CNGA1: variants seen among roughly 807,000 people sequenced by gnomAD.
The protein encoded by CNGA1 is cyclic nucleotide-gated channel alpha-1.
CNGA1 carries 53 observed loss-of-function variants against 69.7 expected under a neutral mutation model. The ratio of observed to expected loss-of-function variants is 0.76; its 90% CI spans 0.61 to 0.96. CNGA1 has a LOEUF of 0.96. Ranked by LOEUF, CNGA1 falls within the 40% of genes least tolerant of loss-of-function variation. The probability of loss-of-function intolerance (pLI) is 0.00; values close to 1 mark genes in which losing one functional copy is unlikely to be tolerated. For synonymous variants in CNGA1, 249 were observed against 283.5 expected, an observed-to-expected ratio of 0.88 and a Z score of 1.22; for missense variants, 739 against 811.2, an observed-to-expected ratio of 0.91 and a Z score of 1.08.
At chr4:47,999,443 C>T (rs1270612744) in intron 2 of CNGA1, among the ~76,000 whole-genome samples, 1 of 152,086 alleles carries the variant, frequency 6.6e-6, no homozygotes, top group African/African-American at 2.4e-5. Context: ...CAATAAAATC[C>T]AAACACTTCA....
chr4:48,012,817 T>C (rs1240719544), intron 1 of CNGA1: 1 of 151,974 alleles, frequency 6.6e-6, no homozygotes, highest in Non-Finnish European at 1.5e-5. Context: ...GCTCTAATGG[T>C]AAGGAGAAAT....
At chr4:47,971,680 G>A (rs1056856640) in intron 3 of CNGA1, among the ~76,000 whole-genome samples, 18 of 152,128 alleles carry the variant, frequency 1.2e-4, no homozygotes, top group Non-Finnish European at 4.4e-5. Flanking sequence ...GATCATTTGA[G>A]GTAAGGAGTT....
intron 2 of CNGA1, among the ~76,000 whole-genome samples, chr4:47,997,143 G>A (rs951729350): frequency 3.2e-4 from 48 of 152,270 alleles, no homozygotes; most frequent in Middle Eastern, 3.4e-3. Flanking sequence ...GACTTTTGCA[G>A]AGTCCATAGT....
chr4:47,950,701 G>A (rs1739688229), intron 5 of CNGA1, among the ~76,000 whole-genome samples: 1 of 152,124 alleles, frequency 6.6e-6, no homozygotes, highest in Admixed American at 6.6e-5. Context: ...ATGTAAAACA[G>A]GTGGAAACCC....
chr4:48,005,125 T>TG lies in CNGA1; in HGVS notation c.-123+5668_-123+5669insC, dbSNP rs1402588682. On this transcript the variant is annotated intron_variant, in intron 2 of 10. Transcript: ENST00000514170. ...TTTTTATTATTTATTTATTTATTTA[T>TG]TTATTTATTTGAGATGGAGTCTTGC... Among the ~76,000 whole-genome samples, 630 of 148,884 alleles carry TG rather than the reference T, an allele frequency of 4.2e-3. 6 individuals are homozygous for TG. The highest frequency in any genetic ancestry group is 0.015 in the African/African-American group (623 of 40,458).
At chr4:47,984,659 TATATAC>T (rs1180638031) in intron 2 of CNGA1, among the ~76,000 whole-genome samples, 1,154 of 87,934 alleles carry the variant, frequency 0.013, 5 homozygotes, top group Non-Finnish European at 0.023. Flanking sequence ...TATATATATA[TATATAC>T]ACACACACAC....
intron 3 of CNGA1, among the ~76,000 whole-genome samples, chr4:47,969,766 C>T (rs1253078084): frequency 1.3e-5 from 2 of 151,836 alleles, no homozygotes; most frequent in East Asian, 3.9e-4. Flanking sequence ...CACCACGCCC[C>T]GCCAAAACTA....
intron 9 of CNGA1, among the ~76,000 whole-genome samples, chr4:47,941,228 A>G (rs1445741977): frequency 6.6e-6 from 1 of 152,202 alleles, no homozygotes; most frequent in African/African-American, 2.4e-5. Context: ...GGTGATGGAC[A>G]CTCTAAATAC....
chr4:47,979,625 T>A (rs1319248840), intron 3 of CNGA1, among the ~76,000 whole-genome samples: 2 of 152,200 alleles, frequency 1.3e-5, no homozygotes, highest in Non-Finnish European at 2.9e-5. Flanking sequence ...ATTTGTTGAA[T>A]AAATTAATAA....
chr4:47,943,756 C>T (rs1178701340), intron 6 of CNGA1, among the ~76,000 whole-genome samples: 1 of 152,150 alleles, frequency 6.6e-6, no homozygotes, highest in Non-Finnish European at 1.5e-5. Context: ...AAAATTTAAG[C>T]TTCTTGACAT....
intron 10 of CNGA1, among the ~76,000 whole-genome samples, chr4:47,939,455 C>T (rs978246955): frequency 1.3e-5 from 2 of 152,164 alleles, no homozygotes; most frequent in African/African-American, 4.8e-5. Context: ...AATATAATAG[C>T]GCAGTAAACA....
At chr4:47,972,023 C>T (rs968966078) in intron 3 of CNGA1, among the ~76,000 whole-genome samples, 8 of 152,180 alleles carry the variant, frequency 5.3e-5, no homozygotes, top group African/African-American at 1.9e-4. Flanking sequence ...GGTAATTCTT[C>T]ATCCTTTTAC....
intron 6 of CNGA1, among the ~76,000 whole-genome samples, chr4:47,944,725 A>G (rs1199997898): frequency 1.3e-5 from 2 of 152,222 alleles, no homozygotes; most frequent in Non-Finnish European, 2.9e-5. Context: ...TGAGAAGTTC[A>G]GTGGTACTAT....
chr4:47,947,438 G>A (rs1053175322), intron 6 of CNGA1, among the ~76,000 whole-genome samples: 22 of 152,268 alleles, frequency 1.4e-4, no homozygotes, highest in African/African-American at 5.3e-4. Flanking sequence ...ACTTTAGGAC[G>A]CTGAGGTGGG....
chr4:47,936,715 A>G lies in CNGA1; in HGVS notation c.1767T>C (p.Thr589=), dbSNP rs765450800. The change falls in exon 11 of 11, where the codon ACT becomes ACC. Residue 589 remains threonine, a synonymous_variant. Coordinates refer to ENST00000514170, the MANE Select transcript of CNGA1 (RefSeq NM_001379270.1). ...EALTEYPDAK[T]MLEEKGKQIL... is the part of the protein sequence containing the mutation. ...TCTGCTTCCCTTTCTCTTCCAGCAT[A>G]GTTTTGGCATCTGGGTACTCAGTTA... 13 of 1,614,128 alleles carry G rather than the reference A, an allele frequency of 8.1e-6. No homozygotes were observed. Among genetic ancestry groups the G allele is most frequent in the Middle Eastern group, 3.3e-4 (2 of 6,062 alleles).
At chr4:47,979,267 G>C (rs1044199230) in intron 3 of CNGA1, among the ~76,000 whole-genome samples, 1 of 144,544 alleles carries the variant, frequency 6.9e-6, no homozygotes, top group Non-Finnish European at 1.5e-5. Context: ...GTTGCAGTGA[G>C]CCAAGATCGC....
rs991789342 is a variant in CNGA1, at chr4:47,952,755, T to G, written c.-14-52A>C. 2.2e-6 allele frequency: 3 copies of G among 1,376,352 alleles called. No individual in the cohort carries two copies. The African/African-American group carries it at 4.4e-5, about 20-fold the overall frequency. The allele number at this position is 1,376,352 out of a possible 1,614,324, so 85.3% of individuals were successfully genotyped here. ...GAAAGGCTATTTTTATATATTTACA[T>G]ATATAATCAAAAGTTTCACCCTATG... is the stretch of plus-strand genomic sequence containing the variant. On this transcript the variant is annotated intron_variant, in intron 3 of 10. Coordinates refer to ENST00000514170, the MANE Select transcript of CNGA1 (RefSeq NM_001379270.1).
At chr4:48,012,666 G>A (rs1715222146) in intron 1 of CNGA1, among the ~76,000 whole-genome samples, 2 of 108,110 alleles carry the variant, frequency 1.8e-5, no homozygotes, top group South Asian at 8.6e-4. Flanking sequence ...GTTGGATAGA[G>A]TTGATCAAAC....
chr4:47,996,348 T>A (rs764127352), intron 2 of CNGA1, among the ~76,000 whole-genome samples: 8 of 152,178 alleles, frequency 5.3e-5, no homozygotes, highest in Non-Finnish European at 8.8e-5. Context: ...TGCATCCTGG[T>A]TTAGATTTTG....
Sources: allele counts gnomAD v4.1 joint callset (sites outside exome capture counted in the v4.1 genomes callset), GRCh38; gene constraint gnomAD v4.1.1; transcripts MANE v1.5; gene names NCBI Gene and HGNC (gene_info 2026-07-23, HGNC 2026-07-21).